SNX10: variants seen among roughly 807,000 people sequenced by gnomAD.
SNX10 encodes the protein sorting nexin 10.
Under a neutral mutation model 28.5 loss-of-function variants are expected in SNX10, and 25 were observed. That is an observed-to-expected ratio of 0.88 (90% confidence interval 0.64 to 1.22). The LOEUF (loss-of-function observed/expected upper bound fraction) is 1.22, where lower values mean the gene tolerates loss of function less well. Among genes scored for constraint, SNX10 ranks in the 50% most tolerant of loss-of-function variants. SNX10 has a pLI of 0.00. For missense variants in SNX10, 223 were observed against 242.6 expected (o/e 0.92, Z 0.54); for synonymous variants, 62 against 81.4 (o/e 0.76, Z 1.28).
chr7:26,320,289 T>A (rs1297588066), intron 1 of SNX10, among the ~76,000 whole-genome samples: 1 of 151,944 alleles, frequency 6.6e-6, no homozygotes, highest in Non-Finnish European at 1.5e-5. Flanking sequence ...GCCTATATTT[T>A]TAAATCACAA....
chr7:26,355,486 T>TATTG (rs1334325655), intron 2 of SNX10, among the ~76,000 whole-genome samples: 1 of 152,240 alleles, frequency 6.6e-6, no homozygotes. Flanking sequence ...TTCCTTTCAA[T>TATTG]AGCATCTTAG....
intron 5 of SNX10, chr7:26,370,590 T>C (rs1300148340): frequency 1.3e-5 from 2 of 152,232 alleles, no homozygotes; most frequent in Non-Finnish European, 2.9e-5. Context: ...ATTTTTGCCT[T>C]TGTTAAGAAA....
intron 2 of SNX10, chr7:26,357,050 T>A: frequency 8.2e-7 from 1 of 1,224,814 alleles, no homozygotes; most frequent in Non-Finnish European, 1.1e-6. Flanking sequence ...AGGCATTGGA[T>A]GTATGAGGCA....
At chr7:26,354,530 TTTTAAATGTTTG>T (rs567641630) in intron 2 of SNX10, among the ~76,000 whole-genome samples, 203 of 152,286 alleles carry the variant, frequency 1.3e-3, no homozygotes, top group African/African-American at 4.5e-3. Flanking sequence ...TTTAATTAGT[TTTTAAATGTTTG>T]TTTAAATGTT....
chr7:26,346,636 G>A (rs527264652), intron 2 of SNX10, among the ~76,000 whole-genome samples, 170 bp downstream of exon 2: 45 of 152,256 alleles, frequency 3.0e-4, no homozygotes, highest in African/African-American at 1.1e-3. Flanking sequence ...TGCCTGCATA[G>A]CCTTCATTTT....
intron 1 of SNX10, among the ~76,000 whole-genome samples, chr7:26,336,129 A>C (rs1007625264): frequency 1.3e-5 from 2 of 152,210 alleles, no homozygotes; most frequent in Non-Finnish European, 2.9e-5. Context: ...ACACAGAGTG[A>C]AATTAACTTG....
At chr7:26,299,671 G>T (rs576269369) in intron 1 of SNX10, among the ~76,000 whole-genome samples, 1 of 151,976 alleles carries the variant, frequency 6.6e-6, no homozygotes, top group Non-Finnish European at 1.5e-5. Context: ...TGATCTGCCC[G>T]CCTTGGCCTC....
chr7:26,370,484 T>C (rs1427133112), intron 5 of SNX10: 2 of 152,222 alleles, frequency 1.3e-5, no homozygotes, highest in Admixed American at 1.3e-4. Flanking sequence ...TACTTTTCCT[T>C]CTAATAGACC....
chr7:26,369,185 T>C (rs904548150), intron 5 of SNX10, among the ~76,000 whole-genome samples: 1 of 152,234 alleles, frequency 6.6e-6, no homozygotes, highest in Non-Finnish European at 1.5e-5. Context: ...GAAAATCATA[T>C]ACTTTTTAAA....
intron 1 of SNX10, among the ~76,000 whole-genome samples, chr7:26,332,470 A>AT (rs1279087760): frequency 6.6e-6 from 1 of 152,172 alleles, no homozygotes; most frequent in Non-Finnish European, 1.5e-5. Flanking sequence ...TTCTTGATAT[A>AT]GTTTAGACAC....
At chr7:26,362,888 G>A (rs143066835) in intron 3 of SNX10, among the ~76,000 whole-genome samples, 229 of 152,278 alleles carry the variant, frequency 1.5e-3, no homozygotes, top group African/African-American at 5.0e-3. Context: ...CTTATGGATC[G>A]ACCTTAGTCT....
At chr7:26,363,445 G>T (rs1406763350) in intron 3 of SNX10, among the ~76,000 whole-genome samples, 2 of 152,120 alleles carry the variant, frequency 1.3e-5, no homozygotes, top group African/African-American at 4.8e-5. Context: ...TACTGATCTT[G>T]GGGGTAAAGA....
At chr7:26,299,299 G>A (rs147425905) in intron 1 of SNX10, among the ~76,000 whole-genome samples, 4 of 151,982 alleles carry the variant, frequency 2.6e-5, no homozygotes, top group Non-Finnish European at 5.9e-5. Context: ...GGGTTCAAGC[G>A]ATTCTTCTGC....
rs1395276371 is a variant in SNX10 at position 26,360,979 on chromosome 7, T to G, written c.29T>G (p.Phe10Cys). The change falls in exon 3 of 7, where the codon TTT becomes TGT. Residue 10 changes from phenylalanine to cysteine, a missense_variant. Transcript: ENST00000338523. ...TTGTTTATGATGCCATTACAGGAAT[T>G]TGTAAGTGTCTGGGTTCGAGATCCT... MFPEQQKEE[F>C]VSVWVRDPRI... 6.2e-7 allele frequency: 1 copy of G among 1,613,232 alleles called. No homozygotes were observed. Among genetic ancestry groups the G allele is most frequent in the Admixed American group, 1.7e-5 (1 of 59,962 alleles).
At position 26,364,544 on chromosome 7, in the gene SNX10, A is replaced by G; in HGVS notation, c.121A>G (p.Met41Val). Residue 41 changes from methionine (M) to valine (V), a missense_variant, in exon 4 of 7, where the codon ATG becomes GTG. Met to Val is a conservative substitution (Grantham distance 21). Transcript: ENST00000338523. This position sits in a 1 kb window ranked among gnomAD's most constrained non-coding sequence, Gnocchi z 4.9. ...TACTTTCTCTGTACAGACTAATAGC[A>G]TGTGTTTTACAATGAAAACATCCTG... Reference protein sequence around the residue: ...DYEICIHTNSMCFTMKTSCVR... With the variant: ...DYEICIHTNSVCFTMKTSCVR... 1 of 1,613,402 alleles carries G rather than the reference A, an allele frequency of 6.2e-7. No homozygotes were observed. Among genetic ancestry groups the G allele is most frequent in the South Asian group, 1.1e-5 (1 of 91,012 alleles).
At chr7:26,337,819 A>G (rs924089112) in intron 1 of SNX10, among the ~76,000 whole-genome samples, 2 of 152,154 alleles carry the variant, frequency 1.3e-5, no homozygotes, top group Non-Finnish European at 2.9e-5. Flanking sequence ...GCTCTTTTGG[A>G]TGGATATCTG....
chr7:26,328,979 GGA>G (rs1787617207), intron 1 of SNX10, among the ~76,000 whole-genome samples: 1 of 152,112 alleles, frequency 6.6e-6, no homozygotes, highest in Non-Finnish European at 1.5e-5. Flanking sequence ...TTCTCAGTCT[GGA>G]CCACCATCAC....
chr7:26,333,275 A>G (rs752785464), intron 1 of SNX10, among the ~76,000 whole-genome samples: 3 of 149,578 alleles, frequency 2.0e-5, no homozygotes, highest in Non-Finnish European at 4.4e-5. Flanking sequence ...TTTTCAGAGT[A>G]TACATTTTGT....
chr7:26,294,114 C>T (rs1786024073), intron 1 of SNX10, among the ~76,000 whole-genome samples: 2 of 152,234 alleles, frequency 1.3e-5, no homozygotes. Context: ...TGCAGATTTT[C>T]ATTTCCTAGC....
Sources: gnomAD v4.1 joint callset for allele counts (sites outside exome capture counted in the v4.1 genomes callset) on GRCh38, gnomAD v4.1.1 for gene constraint, Gnocchi (gnomAD v3.1) non-coding constraint, MANE v1.5 for transcripts, NCBI Gene and HGNC (gene_info 2026-07-23, HGNC 2026-07-21) for gene names.